The following CLIP1 variants were observed in gnomAD, a reference collection of about 807,000 sequenced individuals.
CLIP1 encodes the protein CAP-Gly domain containing linker protein 1, also known as CAP-Gly domain-containing linker protein 1.
A neutral mutation model predicts 161.6 loss-of-function variants in CLIP1; 66 were observed. The ratio of observed to expected loss-of-function variants is 0.41; its 90% confidence interval spans 0.33 to 0.50. The LOEUF (loss-of-function observed/expected upper bound fraction) is 0.50. CLIP1 is among the 20% of genes least tolerant of loss of function. CLIP1 has a pLI of 0.27. For synonymous variants in CLIP1, 598 were observed against 626.2 expected, an observed-to-expected ratio of 0.96 and a Z score of 0.67; for missense variants, 1,376 against 1,702.0, an observed-to-expected ratio of 0.81 and a Z score of 3.37.
chr12:122,321,417 T>G (rs968444281), intron 17 of CLIP1, among the ~76,000 whole-genome samples: 1 of 152,114 alleles, frequency 6.6e-6, no homozygotes, highest in Non-Finnish European at 1.5e-5. Flanking sequence ...GGCGAATTTT[T>G]GTATTTTTAG....
chr12:122,303,703 TCTG>T (rs1352063616), intron 20 of CLIP1, among the ~76,000 whole-genome samples: 2 of 152,160 alleles, frequency 1.3e-5, no homozygotes, highest in African/African-American at 4.8e-5. Flanking sequence ...TCCTACTGCT[TCTG>T]CTACCTTCCC....
chr12:122,272,678 C>G lies in CLIP1; in HGVS notation c.*197G>C, dbSNP rs372182497. ...AACAAAATTCGAGGTGAAAACTCAC[C>G]TACTAAATATTTATTATTCTAACTC... On this transcript the variant is annotated 3_prime_UTR_variant, in exon 26 of 26. Coordinates refer to ENST00000620786, the MANE Select transcript of CLIP1 (RefSeq NM_001247997.2). The G allele has an allele frequency of 8.6e-5, 48 of 560,128 alleles. No homozygotes were observed. In the African/African-American group the frequency reaches 8.7e-4, roughly 10 times the overall value. 34.7% of individuals were successfully genotyped at this position (560,128 alleles called of 1,614,324 possible). A position where few individuals can be genotyped will look rare whatever the true frequency, so the allele number is the denominator to read the frequency against.
chr12:122,390,823 C>G (rs1955626191), intron 1 of CLIP1, among the ~76,000 whole-genome samples: 2 of 151,924 alleles, frequency 1.3e-5, no homozygotes, highest in South Asian at 4.2e-4. Flanking sequence ...ATGTTTATCT[C>G]TAGAACTTAA....
chr12:122,310,074 C>A (rs1425981152), intron 19 of CLIP1, among the ~76,000 whole-genome samples, 192 bp from the exon 20 acceptor site: 1 of 152,102 alleles, frequency 6.6e-6, no homozygotes, highest in Non-Finnish European at 1.5e-5. Flanking sequence ...AGGAGGGCTG[C>A]CACCCACAAT....
intron 15 of CLIP1, among the ~76,000 whole-genome samples, chr12:122,328,644 G>C (rs999987684): frequency 6.6e-6 from 1 of 152,118 alleles, no homozygotes; most frequent in Non-Finnish European, 1.5e-5. Context: ...GAGTGCAGTG[G>C]CATGATCTCC....
At position 122,279,400 on chromosome 12, in the gene CLIP1, G is replaced by C; in HGVS notation, c.3648-255C>G. The C allele has an allele frequency of 5.9e-6, 1 of 168,988 alleles. No homozygotes were observed. Among genetic ancestry groups the C allele is most frequent in the African/African-American group, 2.5e-5 (1 of 40,304 alleles). The allele number at this position is 168,988 out of a possible 1,614,324, so 10.5% of individuals were successfully genotyped here. ...GTGATTGTATCCATTTGAACTTAAAGAAACAAGTTAATAAATTTGGAAGAG... is the reference window on the plus strand; with the variant it reads ...GTGATTGTATCCATTTGAACTTAAACAAACAAGTTAATAAATTTGGAAGAG... On this transcript the variant is annotated intron_variant, in intron 21 of 25. Coordinates refer to ENST00000620786, the MANE Select transcript of CLIP1 (RefSeq NM_001247997.2). This position sits in a 1 kb window ranked among gnomAD's most constrained non-coding sequence, Gnocchi z 4.5.
intron 1 of CLIP1, among the ~76,000 whole-genome samples, chr12:122,419,547 T>A (rs531613124): frequency 6.6e-6 from 1 of 152,156 alleles, no homozygotes; most frequent in South Asian, 2.1e-4. Flanking sequence ...ATGTGAAAGG[T>A]TCAAAGGTGC....
chr12:122,422,149 C>A (rs1015704215), intron 1 of CLIP1, among the ~76,000 whole-genome samples: 1 of 152,262 alleles, frequency 6.6e-6, no homozygotes, highest in Admixed American at 6.5e-5. Flanking sequence ...GCCGATCCCA[C>A]ATCCGCCCCG....
intron 17 of CLIP1, among the ~76,000 whole-genome samples, chr12:122,325,218 C>T (rs1174856685): frequency 2.0e-5 from 3 of 151,844 alleles, no homozygotes; most frequent in Non-Finnish European, 2.9e-5. Flanking sequence ...CCACCGTGCC[C>T]GGCTAATTTT....
In CLIP1 at chr12:122,283,179, G is replaced by A. The variant is rs1592968494; in HGVS notation, c.3648-4034C>T. On this transcript the variant is annotated intron_variant, in intron 21 of 25. Coordinates refer to ENST00000620786, the MANE Select transcript of CLIP1 (RefSeq NM_001247997.2). ...TCCCAAATCTGCATCAGGCTTCAGA[G>A]GCACAGATGAACAAACTCCCCCAGT... Among the ~76,000 whole-genome samples the A allele has an allele frequency of 3.3e-5, 5 of 152,132 alleles. No homozygotes were observed. The East Asian group carries it at 9.6e-4, about 29-fold the overall frequency.
At chr12:122,376,536 G>A (rs1193155260) in intron 3 of CLIP1, among the ~76,000 whole-genome samples, 2 of 151,900 alleles carry the variant, frequency 1.3e-5, no homozygotes, top group Non-Finnish European at 2.9e-5. Flanking sequence ...GCGCAATCTC[G>A]GCTCACTGCA....
intron 5 of CLIP1, among the ~76,000 whole-genome samples, chr12:122,358,340 C>A (rs1423240808): frequency 6.6e-6 from 1 of 151,700 alleles, no homozygotes; most frequent in Non-Finnish European, 1.5e-5. Context: ...AAACCAGAGA[C>A]CTTTGTTTAC....
chr12:122,378,894 G>T (rs1954868774), intron 2 of CLIP1, among the ~76,000 whole-genome samples: 1 of 152,128 alleles, frequency 6.6e-6, no homozygotes, highest in Non-Finnish European at 1.5e-5. Context: ...GGGAGGCCGA[G>T]GCGGGCAGAT....
chr12:122,393,527 T>G (rs959859428), intron 1 of CLIP1, among the ~76,000 whole-genome samples: 1 of 152,180 alleles, frequency 6.6e-6, no homozygotes, highest in Admixed American at 6.5e-5. Flanking sequence ...AAAGCTATCT[T>G]AAAGACAACC....
intron 1 of CLIP1, chr12:122,395,989 C>T (rs1307631819): frequency 6.6e-6 from 1 of 152,116 alleles, no homozygotes; most frequent in Admixed American, 6.6e-5. Context: ...TGCGTGTAGT[C>T]CCAGCTACTT....
intron 1 of CLIP1, among the ~76,000 whole-genome samples, chr12:122,394,481 G>A (rs57494425): frequency 9.6e-4 from 91 of 95,064 alleles, no homozygotes; most frequent in Middle Eastern, 0.01. Flanking sequence ...ACAGTGAGAC[G>A]CTGTCTCAAA....
intron 3 of CLIP1, among the ~76,000 whole-genome samples, chr12:122,374,025 T>C (rs796574091): frequency 6.6e-6 from 1 of 152,122 alleles, no homozygotes; most frequent in Non-Finnish European, 1.5e-5. Flanking sequence ...CAGGAAGATA[T>C]TTTTCCCCTT....
In CLIP1 at chr12:122,357,767, G is replaced by C. The variant is rs1194627403; in HGVS notation, c.1006-2455C>G. The stretch of plus-strand genomic sequence containing the variant: ...TCTGCCCGGCCGCCCCTACTGGGAA[G>C]TGAGGAGCCCCTCTGCCCGGCTAGC... On this transcript the variant is annotated intron_variant, in intron 5 of 25. Coordinates refer to ENST00000620786, the MANE Select transcript of CLIP1 (RefSeq NM_001247997.2). 2.2e-3 allele frequency among the ~76,000 whole-genome samples: 330 copies of C among 149,618 alleles called. 2 individuals are homozygous for C. The highest frequency in any genetic ancestry group is 7.7e-3 in the African/African-American group (316 of 40,790).
At chr12:122,324,826 G>A (rs560714815) in intron 17 of CLIP1, among the ~76,000 whole-genome samples, 1 of 152,166 alleles carries the variant, frequency 6.6e-6, no homozygotes, top group South Asian at 2.1e-4. Flanking sequence ...GCATAACAAG[G>A]GAAAATAAAC....
Sources: gnomAD v4.1 joint callset for allele counts (sites outside exome capture counted in the v4.1 genomes callset) on GRCh38, gnomAD v4.1.1 for gene constraint, Gnocchi (gnomAD v3.1) non-coding constraint, MANE v1.5 for transcripts, NCBI Gene and HGNC (gene_info 2026-07-23, HGNC 2026-07-21) for gene names.